AGMO: variants seen among roughly 807,000 people sequenced by gnomAD.
The protein encoded by AGMO is alkylglycerol monooxygenase, also known as glyceryl-ether monooxygenase.
In AGMO, 75 loss-of-function variants were observed where a neutral mutation model predicts 60.2. The ratio of observed to expected loss-of-function variants is 1.25; its 90% CI spans 1.03 to 1.51. The LOEUF (loss-of-function observed/expected upper bound fraction) is 1.51, where lower values mean the gene tolerates loss of function less well. Ranked by LOEUF, AGMO falls within the 40% of genes most tolerant of loss-of-function variation. The pLI, the probability that AGMO is intolerant of heterozygous loss-of-function variation, is 0.00. For missense variants in AGMO, 763 were observed against 525.5 expected (o/e 1.45, Z -4.42); for synonymous variants, 261 against 177.1 (o/e 1.47, Z -3.76).
chr7:15,500,269 G>T (rs965070135), intron 3 of AGMO, among the ~76,000 whole-genome samples: 1 of 151,790 alleles, frequency 6.6e-6, no homozygotes, highest in Non-Finnish European at 1.5e-5. Flanking sequence ...GTCTGTCCCA[G>T]TCAGGGAATA....
intron 10 of AGMO, among the ~76,000 whole-genome samples, chr7:15,382,985 A>G (rs992355643): frequency 6.6e-6 from 1 of 151,492 alleles, no homozygotes; most frequent in African/African-American, 2.4e-5. Flanking sequence ...TTTTTCTATA[A>G]TCTATCACCT....
intron 2 of AGMO, among the ~76,000 whole-genome samples, chr7:15,549,153 G>GCTC: frequency 6.9e-6 from 1 of 145,920 alleles, no homozygotes; most frequent in Non-Finnish European, 1.5e-5. Context: ...CCCTAAAAGA[G>GCTC]CTCCTGAAGG....
intron 5 of AGMO, among the ~76,000 whole-genome samples, chr7:15,415,187 C>T (rs1780727786): frequency 6.6e-6 from 1 of 151,904 alleles, no homozygotes; most frequent in Non-Finnish European, 1.5e-5. Flanking sequence ...AGTTCTGCCT[C>T]CCTGGTTCAT....
intron 3 of AGMO, among the ~76,000 whole-genome samples, chr7:15,526,144 T>C (rs146178766): frequency 9.1e-4 from 138 of 152,266 alleles, no homozygotes; most frequent in African/African-American, 3.2e-3. Context: ...GCTGAGTAGA[T>C]GGGGTGTCTC....
intron 12 of AGMO, among the ~76,000 whole-genome samples, chr7:15,236,430 A>AGG (rs1782420942): frequency 6.6e-6 from 1 of 152,166 alleles, no homozygotes; most frequent in Admixed American, 6.6e-5. Flanking sequence ...CAGTAACAAA[A>AGG]GGGAAGTAGT....
At chr7:15,199,930 A>G (rs932407787), downstream of AGMO, among the ~76,000 whole-genome samples, 1 of 152,180 alleles carries the variant, frequency 6.6e-6, no homozygotes, top group Non-Finnish European at 1.5e-5. Context: ...TCAATTCTGT[A>G]TCCTCAGTTC....
chr7:15,357,413 C>T (rs564071617), intron 12 of AGMO, among the ~76,000 whole-genome samples: 1 of 151,664 alleles, frequency 6.6e-6, no homozygotes, highest in East Asian at 1.9e-4. Flanking sequence ...GAGATGAACC[C>T]AAGTAATAAA....
At chr7:15,483,759 T>C (rs183317940) in intron 3 of AGMO, among the ~76,000 whole-genome samples, 109 of 152,272 alleles carry the variant, frequency 7.2e-4, no homozygotes, top group African/African-American at 2.5e-3. Context: ...CACTCACAAA[T>C]TGATTTATAA....
intron 12 of AGMO, among the ~76,000 whole-genome samples, chr7:15,319,438 G>C (rs767480584): frequency 5.3e-5 from 8 of 152,138 alleles, no homozygotes; most frequent in African/African-American, 9.7e-5. Flanking sequence ...GGGATCCAAA[G>C]AGATGTACCC....
the AGMO span, among the ~76,000 whole-genome samples, chr7:15,154,471 C>T: frequency 2.0e-5 from 3 of 152,140 alleles, no homozygotes; most frequent in African/African-American, 7.2e-5. Context: ...CTTTCTCCAT[C>T]CATTTACTTT....
chr7:15,184,363 G>GAAGGAAGGAAAGAAGAGAGGGAGGAAGA, the AGMO span, among the ~76,000 whole-genome samples: 1,129 of 5,486 alleles, frequency 0.21, 523 homozygotes, highest in East Asian at 0.56. Context: ...GGGAGGGAAG[G>GAAGGAAGGAAAGAAGAGAGGGAGGAAGA]AAGGGAAGGA....
intron 3 of AGMO, among the ~76,000 whole-genome samples, chr7:15,462,547 T>C (rs1782169775): frequency 6.6e-6 from 1 of 152,130 alleles, no homozygotes; most frequent in Non-Finnish European, 1.5e-5. Flanking sequence ...AAATAAAAGT[T>C]AATAGGCGTG....
chr7:15,225,007 G>C (rs976870433), intron 12 of AGMO, among the ~76,000 whole-genome samples: 1 of 151,942 alleles, frequency 6.6e-6, no homozygotes, highest in Non-Finnish European at 1.5e-5. Flanking sequence ...CTAATTCACA[G>C]GTAGAAGGAA....
chr7:15,175,409 T>C, the AGMO span, among the ~76,000 whole-genome samples: 1 of 152,010 alleles, frequency 6.6e-6, no homozygotes, highest in Admixed American at 6.6e-5. Context: ...ACACTAGTTA[T>C]GATTTTGGGG....
At chr7:15,232,824 C>A (rs895418086) in intron 12 of AGMO, among the ~76,000 whole-genome samples, 12 of 151,488 alleles carry the variant, frequency 7.9e-5, no homozygotes, top group African/African-American at 2.7e-4. Flanking sequence ...CACACACACA[C>A]ACAAAAACTA....
intron 10 of AGMO, among the ~76,000 whole-genome samples, chr7:15,366,790 A>G (rs1292207527): frequency 6.6e-6 from 1 of 152,066 alleles, no homozygotes; most frequent in Non-Finnish European, 1.5e-5. Flanking sequence ...TGTGCTCTTC[A>G]TGTTAATATG....
intron 3 of AGMO, among the ~76,000 whole-genome samples, chr7:15,524,459 A>T (rs539858595): frequency 6.6e-6 from 1 of 152,166 alleles, no homozygotes; most frequent in South Asian, 2.1e-4. Flanking sequence ...AATTATTTAT[A>T]AAAAATGCTA....
At chr7:15,135,175 T>TGTGTGTGTGTGTCTGC in the AGMO span, among the ~76,000 whole-genome samples, 11 of 151,778 alleles carry the variant, frequency 7.2e-5, no homozygotes, top group African/African-American at 2.7e-4. Context: ...TGTGTGTGTG[T>TGTGTGTGTGTGTCTGC]GTGTGTGTGT....
intron 8 of AGMO, 35 bp downstream of exon 8, chr7:15,390,636 A>G (rs1723745465): frequency 7.0e-7 from 1 of 1,436,292 alleles, no homozygotes; most frequent in Non-Finnish European, 9.7e-7. Flanking sequence ...ATGAAATGAT[A>G]TAAATGAAGA....
Sources: allele counts gnomAD v4.1 joint callset (sites outside exome capture counted in the v4.1 genomes callset), GRCh38; gene constraint gnomAD v4.1.1; transcripts MANE v1.5; gene names NCBI Gene and HGNC (gene_info 2026-07-23, HGNC 2026-07-21).